Variants in ZC3H14 observed in about 807,000 individuals in gnomAD.
The protein encoded by ZC3H14 is zinc finger CCCH-type containing 14, also known as zinc finger CCCH domain-containing protein 14.
Under a neutral mutation model 92.4 loss-of-function variants are expected in ZC3H14, and 31 were observed. The observed-to-expected ratio is 0.34, with a 90% confidence interval of 0.25 to 0.45. The LOEUF (loss-of-function observed/expected upper bound fraction) is 0.45. ZC3H14 is among the 20% of genes least tolerant of loss of function. ZC3H14 has a pLI of 1.00. For missense variants in ZC3H14, 781 were observed against 897.3 expected, an observed-to-expected ratio of 0.87 and a Z score of 1.66; for synonymous variants, 321 against 300.9, an observed-to-expected ratio of 1.07 and a Z score of -0.69.
chr14:88,601,804 G>A (rs2084686098), intron 10 of ZC3H14, 120 bp from the exon 11 acceptor site: 1 of 1,221,762 alleles, frequency 8.2e-7, no homozygotes, highest in Non-Finnish European at 1.2e-6. Context: ...GGAACCAGTT[G>A]TGATTTTCCT....
At position 88,618,057 on chromosome 14, in the gene ZC3H14, T is replaced by A; in HGVS notation, c.*6306T>A. ...CATGGAAACTGATAAAACATGGAAA[T>A]ATATTCAATAAAAAGGGGTCCCAAC... On this transcript the variant is annotated 3_prime_UTR_variant, in exon 17 of 17. Transcript: ENST00000251038. 1 of 427,158 alleles carries A rather than the reference T, an allele frequency of 2.3e-6. No individual in the cohort carries two copies. The highest frequency in any genetic ancestry group is 4.1e-6 in the Non-Finnish European group (1 of 243,710). 26.5% of individuals were successfully genotyped at this position (427,158 alleles called of 1,614,324 possible).
rs1405827512 is a variant in ZC3H14, at chr14:88,570,994, C to T, written c.195-90C>T. 12 of 1,037,384 alleles carry T rather than the reference C, an allele frequency of 1.2e-5. No individual in the cohort carries two copies. In the South Asian group the frequency reaches 2.4e-4, roughly 21 times the overall value. The allele number at this position is 1,037,384 out of a possible 1,614,324, so 64.3% of individuals were successfully genotyped here. A position where few individuals can be genotyped will look rare whatever the true frequency, so the allele number is the denominator to read the frequency against. Reference sequence around the variant, plus strand: ...TATAAAAAAATTTAAAAAATTATCTCTGAATATAATGTCATAAATTTAGAG... The same window carrying T: ...TATAAAAAAATTTAAAAAATTATCTTTGAATATAATGTCATAAATTTAGAG... On this transcript the variant is annotated intron_variant, in intron 3 of 16. Coordinates refer to ENST00000251038, the MANE Select transcript of ZC3H14 (RefSeq NM_024824.5).
At chr14:88,577,656 G>A (rs1016242736) in intron 8 of ZC3H14, among the ~76,000 whole-genome samples, 4 of 151,796 alleles carry the variant, frequency 2.6e-5, no homozygotes, top group African/African-American at 7.3e-5. Context: ...TGCAACCTCC[G>A]CCTTCCGGGT....
intron 9 of ZC3H14, among the ~76,000 whole-genome samples, chr14:88,579,302 T>G (rs1341538260): frequency 1.3e-5 from 2 of 152,156 alleles, no homozygotes; most frequent in African/African-American, 4.8e-5. Flanking sequence ...TATATACTAT[T>G]CTGATAATTG....
At chr14:88,611,199 C>T (rs1019871924) in intron 16 of ZC3H14, among the ~76,000 whole-genome samples, 1 of 152,024 alleles carries the variant, frequency 6.6e-6, no homozygotes, top group Non-Finnish European at 1.5e-5. Flanking sequence ...TATCATAGCT[C>T]ACTGCAGCCT....
At chr14:88,565,825 G>A (rs887754316) in intron 2 of ZC3H14, among the ~76,000 whole-genome samples, 4 of 151,812 alleles carry the variant, frequency 2.6e-5, no homozygotes, top group Non-Finnish European at 4.4e-5. Context: ...CATAGAACAA[G>A]ATATATAAAA....
In ZC3H14 at chr14:88,592,953, T is replaced by C. The variant is rs2083337982; in HGVS notation, c.1280-3781T>C. On this transcript the variant is annotated intron_variant, in intron 9 of 16. Transcript: ENST00000251038. ...TTACAAGATTTTCTGTGTTAATGGA[T>C]TGGAAGTCTTTACTATTCTTTTTTT... is the stretch of plus-strand genomic sequence containing the variant. Among the ~76,000 whole-genome samples, 3 of 150,338 alleles carry C rather than the reference T, an allele frequency of 2.0e-5. No individual in the cohort carries two copies. The South Asian group carries it at 6.3e-4, about 31-fold the overall frequency.
chr14:88,606,534 C>T (rs1227291377), intron 12 of ZC3H14, among the ~76,000 whole-genome samples: 1 of 151,944 alleles, frequency 6.6e-6, no homozygotes, highest in Non-Finnish European at 1.5e-5. Context: ...CTTTGGGAGG[C>T]CGAGGTGGGT....
At position 88,593,770 on chromosome 14, in the gene ZC3H14, TA is replaced by T. The variant is rs2083446520; in HGVS notation, c.1280-2963del. Reference sequence around the variant, plus strand: ...ACTTCAAAACTCTTAGGGAAAAAAATAGATATGTCTTGGATTCCAGAATGAT... The same window carrying T: ...ACTTCAAAACTCTTAGGGAAAAAAATGATATGTCTTGGATTCCAGAATGAT... On this transcript the variant is annotated intron_variant, in intron 9 of 16. Transcript: ENST00000251038. Among the ~76,000 whole-genome samples, 3 of 152,038 alleles carry T rather than the reference TA, an allele frequency of 2.0e-5. No individual in the cohort carries two copies. In the South Asian group the frequency reaches 6.2e-4, roughly 32 times the overall value.
chr14:88,626,842 C>T lies in ZC3H14; in HGVS notation c.*15091C>T. On this transcript the variant is annotated 3_prime_UTR_variant, in exon 17 of 17. Coordinates refer to ENST00000251038, the MANE Select transcript of ZC3H14 (RefSeq NM_024824.5). ...TGTGCATTTTAAGAGACATACTGCA[C>T]CAAATGCAATAGCGAGCATGGTCTG... 6.8e-6 allele frequency: 11 copies of T among 1,613,796 alleles called. No homozygotes were observed. The highest frequency in any genetic ancestry group is 8.5e-6 in the Non-Finnish European group (10 of 1,179,834).
chr14:88,622,705 C>T lies in ZC3H14; in HGVS notation c.*10954C>T. The T allele has an allele frequency of 6.2e-7, 1 of 1,606,810 alleles. No homozygotes were observed. Among genetic ancestry groups the T allele is most frequent in the South Asian group, 1.1e-5 (1 of 89,280 alleles). On this transcript the variant is annotated 3_prime_UTR_variant, in exon 17 of 17. Coordinates refer to ENST00000251038, the MANE Select transcript of ZC3H14 (RefSeq NM_024824.5). ...TCCTGATCCCACAGTTTAACCGCTC[C>T]TCCTTCTTTTGACCTAAGTAAATAA...
intron 10 of ZC3H14, among the ~76,000 whole-genome samples, chr14:88,599,655 C>G (rs1390623566): frequency 6.8e-6 from 1 of 147,738 alleles, no homozygotes; most frequent in Non-Finnish European, 1.5e-5. Flanking sequence ...CTTCTCATTC[C>G]CTTTCATTCT....
chr14:88,565,428 A>G (rs2079436759), intron 2 of ZC3H14, among the ~76,000 whole-genome samples: 2 of 152,208 alleles, frequency 1.3e-5, no homozygotes, highest in East Asian at 1.9e-4. Context: ...GGTGTCAGCC[A>G]CTGCATCCGG....
chr14:88,563,199 G>A, intron 1 of ZC3H14, 30 bp downstream of exon 1: 1 of 1,598,142 alleles, frequency 6.3e-7, no homozygotes, highest in Non-Finnish European at 8.5e-7. Flanking sequence ...GGGGTGGGAA[G>A]CCAGGTCTCG....
chr14:88,574,357 T>C, intron 6 of ZC3H14: 1 of 314,124 alleles, frequency 3.2e-6, no homozygotes, highest in Non-Finnish European at 6.1e-6. Context: ...GTGAGTCTTC[T>C]GCCTCAGCCT....
At chr14:88,571,828 G>T (rs952200789) in intron 4 of ZC3H14, among the ~76,000 whole-genome samples, 1 of 152,150 alleles carries the variant, frequency 6.6e-6, no homozygotes, top group East Asian at 1.9e-4. Flanking sequence ...GCCAGGCATC[G>T]TGGCACATGC....
intron 9 of ZC3H14, chr14:88,586,602 A>C (rs1168170961): frequency 1.3e-5 from 2 of 152,152 alleles, no homozygotes; most frequent in Non-Finnish European, 2.9e-5. Flanking sequence ...GCTGCTTTCA[A>C]GATCTTCTCT....
intron 9 of ZC3H14, chr14:88,592,345 G>A (rs1194100155): frequency 2.6e-5 from 4 of 152,054 alleles, no homozygotes; most frequent in African/African-American, 7.2e-5. Flanking sequence ...ATTATTTTCT[G>A]TCTGGAATTT....
intron 10 of ZC3H14, among the ~76,000 whole-genome samples, chr14:88,599,624 C>T (rs2084325507): frequency 6.6e-6 from 1 of 152,162 alleles, no homozygotes; most frequent in Non-Finnish European, 1.5e-5. Flanking sequence ...CTTTCGGCTT[C>T]CAGTTCACTC....
Sources: allele counts gnomAD v4.1 joint callset (sites outside exome capture counted in the v4.1 genomes callset), GRCh38; gene constraint gnomAD v4.1.1; transcripts MANE v1.5; gene names NCBI Gene and HGNC (gene_info 2026-07-23, HGNC 2026-07-21).